The following PRKD3 variants were observed in gnomAD, a reference collection of about 807,000 sequenced individuals.
PRKD3 encodes the protein serine/threonine-protein kinase D3.
Under a neutral mutation model 99.2 loss-of-function variants are expected in PRKD3, and 47 were observed. That is an observed-to-expected ratio of 0.47 (90% CI 0.38 to 0.60). PRKD3 has a LOEUF of 0.60. Ranked by LOEUF, PRKD3 falls within the 20% of genes least tolerant of loss-of-function variation. PRKD3 has a pLI of 0.00. For synonymous variants in PRKD3, 392 were observed against 355.4 expected (o/e 1.10, Z -1.16); for missense variants, 1,019 against 1,088.4 (o/e 0.94, Z 0.90).
intron 6 of PRKD3, among the ~76,000 whole-genome samples, chr2:37,285,537 A>C (rs989038209): frequency 2.6e-5 from 4 of 152,230 alleles, no homozygotes; most frequent in African/African-American, 9.6e-5. Context: ...AAACAAAAAA[A>C]ACCCAAAACT....
chr2:37,299,556 ACAC>A (rs1670825161), intron 2 of PRKD3, among the ~76,000 whole-genome samples: 2 of 135,612 alleles, frequency 1.5e-5, no homozygotes, highest in African/African-American at 2.7e-5. Context: ...ACACACACAC[ACAC>A]AAGCTTCTGC....
In PRKD3 at chr2:37,299,626, A is replaced by C. The variant is rs554344105; in HGVS notation, c.289-6355T>G. Among the ~76,000 whole-genome samples, 13 of 152,214 alleles carry C rather than the reference A, an allele frequency of 8.5e-5. No homozygotes were observed. In the South Asian group the frequency reaches 2.7e-3, roughly 32 times the overall value. On this transcript the variant is annotated intron_variant, in intron 2 of 18. Transcript: ENST00000234179. ...TACAGAATGGGAGAAAATATTTGCA[A>C]ACTATTCAACTGACAAGGGGTTAAT...
intron 2 of PRKD3, among the ~76,000 whole-genome samples, chr2:37,296,808 G>A (rs754509162): frequency 1.3e-4 from 19 of 150,444 alleles, no homozygotes; most frequent in Non-Finnish European, 1.2e-4. Flanking sequence ...ACTGAGGCAG[G>A]AGAACGGCGT....
At chr2:37,275,690 T>C (rs1572648805) in intron 10 of PRKD3, 77 bp downstream of exon 10, 1 of 1,426,832 alleles carries the variant, frequency 7.0e-7, no homozygotes, top group Middle Eastern at 2.5e-4. Context: ...TATTCAAATA[T>C]AACAGTTAAT....
rs1668316912 is a variant in PRKD3 at position 37,260,273 on chromosome 2, T to C, written c.1996A>G (p.Ser666Gly). ...HGDMLEMILS[S>G]EKSRLPERIT... ...CGTTCTGGAAGCCGACTTTTCTCACTGGATAGAATCATTTCCAACATATCT... is the reference window on the plus strand; with the variant it reads ...CGTTCTGGAAGCCGACTTTTCTCACCGGATAGAATCATTTCCAACATATCT... Residue 666 changes from serine (S) to glycine (G), a missense_variant, in exon 15 of 19, where the codon AGT (serine) becomes GGT (glycine). Ser to Gly is a moderately conservative substitution (Grantham distance 56). This residue lies in a region of PRKD3 where 184 missense variants were observed against 275.1 expected (regional missense o/e 0.67). Transcript: ENST00000234179. 6.2e-7 allele frequency: 1 copy of C among 1,611,822 alleles called. No individual in the cohort carries two copies. The highest frequency in any genetic ancestry group is 1.7e-5 in the Admixed American group (1 of 59,986).
intron 1 of PRKD3, among the ~76,000 whole-genome samples, chr2:37,322,585 C>G (rs1415299965): frequency 1.3e-5 from 2 of 152,234 alleles, no homozygotes; most frequent in Non-Finnish European, 2.9e-5. Context: ...AGATGTTAGT[C>G]TCTGCACCAG....
chr2:37,287,845 CTTCT>C (rs1175068186), intron 5 of PRKD3, among the ~76,000 whole-genome samples: 21 of 152,094 alleles, frequency 1.4e-4, no homozygotes, highest in East Asian at 1.9e-4. Flanking sequence ...TAATTCATGC[CTTCT>C]TTAATTTTGC....
At chr2:37,282,672 G>A in intron 6 of PRKD3, 53 bp from the exon 7 acceptor site, 1 of 1,205,320 alleles carries the variant, frequency 8.3e-7, no homozygotes, top group Non-Finnish European at 1.2e-6. Flanking sequence ...AGCAGTATCA[G>A]ATATGGTTAG....
chr2:37,304,257 T>C (rs78426218), intron 2 of PRKD3, among the ~76,000 whole-genome samples: 6,748 of 148,686 alleles, frequency 0.045, 167 homozygotes, highest in African/African-American at 0.052. Context: ...CACTAATAAA[T>C]TACACAGAAA....
Position 37,267,462 on chromosome 2 carries a change from T to C in PRKD3, c.1852A>G (p.Ser618Gly). ...ATAGCCACTTCATTACGGAGTTGAC[T>C]TTCTTGTTTTGTGGGGAATCTCATC... ...DKMRFPTKQE[S>G]QLRNEVAILQ... is the part of the protein sequence containing the mutation. The change falls in exon 14 of 19, where the codon AGT becomes GGT. Residue 618 changes from serine (S) to glycine (G), a missense_variant. By Grantham distance (56) the Ser-to-Gly change is moderately conservative. Transcript: ENST00000234179. The C allele has an allele frequency of 6.2e-7, 1 of 1,609,910 alleles. No homozygotes were observed. The highest frequency in any genetic ancestry group is 8.5e-7 in the Non-Finnish European group (1 of 1,177,348).
intron 2 of PRKD3, among the ~76,000 whole-genome samples, chr2:37,296,984 C>T (rs1319390583): frequency 6.7e-6 from 1 of 148,726 alleles, no homozygotes; most frequent in Non-Finnish European, 1.5e-5. Context: ...TAAAGATATA[C>T]ACCTAAAAAG....
intron 18 of PRKD3, among the ~76,000 whole-genome samples, chr2:37,253,795 T>G (rs759214602): frequency 6.6e-6 from 1 of 152,222 alleles, no homozygotes; most frequent in Non-Finnish European, 1.5e-5. Flanking sequence ...AAAGCTTCCC[T>G]CCTTACTCTG....
intron 2 of PRKD3, among the ~76,000 whole-genome samples, chr2:37,302,574 G>A (rs573233751): frequency 1.5e-3 from 222 of 152,306 alleles, no homozygotes; most frequent in African/African-American, 5.1e-3. Context: ...ACCGTTTCAA[G>A]TTCATGTCGT....
chr2:37,268,271 T>G, intron 13 of PRKD3: 1 of 469,254 alleles, frequency 2.1e-6, no homozygotes, highest in South Asian at 1.6e-5. Flanking sequence ...TGAACAAATG[T>G]GTGCATTTTT....
intron 1 of PRKD3, chr2:37,318,039 G>C (rs1032051173): frequency 6.6e-6 from 1 of 151,202 alleles, no homozygotes; most frequent in Non-Finnish European, 1.5e-5. Context: ...GCTCATAATT[G>C]ATGGTTCTTT....
chr2:37,293,662 C>T (rs1206568920), intron 2 of PRKD3, among the ~76,000 whole-genome samples: 4 of 152,174 alleles, frequency 2.6e-5, no homozygotes, highest in Non-Finnish European at 4.4e-5. Context: ...TTCAGTAGAT[C>T]TCAGAATTAT....
Position 37,289,393 on chromosome 2 carries a change from G to A in PRKD3, c.680C>T (p.Pro227Leu), listed in dbSNP as rs934778939. The A allele has an allele frequency of 8.1e-6, 13 of 1,613,952 alleles. No homozygotes were observed. The highest frequency in any genetic ancestry group is 2.2e-5 in the East Asian group (1 of 44,886). Residue 227 changes from proline (P) to leucine (L), a missense_variant, in exon 5 of 19, where the codon CCC becomes CTC. Pro to Leu is a moderately conservative substitution (Grantham distance 98). Coordinates refer to ENST00000234179, the MANE Select transcript of PRKD3 (RefSeq NM_005813.6). Reference sequence around the variant, plus strand: ...AAGGGCTACATATTCAGGCTGTAGGGGTCTTGGAACTGAGAGGCCGGGTCC... The same window carrying A: ...AAGGGCTACATATTCAGGCTGTAGGAGTCTTGGAACTGAGAGGCCGGGTCC... ...LPGPGLSVPR[P>L]LQPEYVALPS...
chr2:37,268,430 C>A (rs952351418), intron 13 of PRKD3: 4 of 455,142 alleles, frequency 8.8e-6, no homozygotes, highest in Admixed American at 2.5e-5. Context: ...ATTTTCTAGG[C>A]GACTGCTTTA....
At chr2:37,293,633 T>C (rs1288172253) in intron 2 of PRKD3, among the ~76,000 whole-genome samples, 2 of 152,340 alleles carry the variant, frequency 1.3e-5, no homozygotes, top group African/African-American at 4.8e-5. Context: ...GACATGCTGC[T>C]CTAAATATTT....
Sources: gnomAD v4.1 joint callset for allele counts (sites outside exome capture counted in the v4.1 genomes callset) on GRCh38, gnomAD v4.1.1 for gene constraint, gnomAD v4.1.1 regional missense constraint, MANE v1.5 for transcripts, NCBI Gene and HGNC (gene_info 2026-07-23, HGNC 2026-07-21) for gene names.